The following CTNNA3 variants were observed in gnomAD, a reference collection of about 807,000 sequenced individuals.
CTNNA3 encodes the protein catenin alpha-3.
In CTNNA3, 76 loss-of-function variants were observed where a neutral mutation model predicts 95.7. The observed-to-expected ratio is 0.79, with a 90% CI of 0.66 to 0.96. CTNNA3 has a LOEUF of 0.96. Among genes scored for constraint, CTNNA3 ranks in the 40% least tolerant of loss-of-function variants. The pLI, the probability that CTNNA3 is intolerant of heterozygous loss-of-function variation, is 0.00. For synonymous variants in CTNNA3, 431 were observed against 374.4 expected (o/e 1.15, Z -1.74); for missense variants, 1,191 against 1,089.8 (o/e 1.09, Z -1.31).
intron 17 of CTNNA3, among the ~76,000 whole-genome samples, chr10:65,926,240 C>T (rs1004373700): frequency 6.6e-6 from 1 of 151,374 alleles, no homozygotes; most frequent in Non-Finnish European, 1.5e-5. Context: ...TATTAATAGG[C>T]TTTTAGGTAG....
intron 7 of CTNNA3, among the ~76,000 whole-genome samples, chr10:67,081,353 A>G (rs1320908094): frequency 6.6e-6 from 1 of 152,238 alleles, no homozygotes; most frequent in Non-Finnish European, 1.5e-5. Context: ...ATCAATCAGT[A>G]GTAATACAAT....
intron 12 of CTNNA3, among the ~76,000 whole-genome samples, chr10:66,306,509 T>G (rs1054052786): frequency 3.9e-5 from 6 of 152,180 alleles, no homozygotes; most frequent in Admixed American, 3.3e-4. Flanking sequence ...AAATTAGAAT[T>G]TATGGCTGTG....
intron 5 of CTNNA3, among the ~76,000 whole-genome samples, chr10:67,311,009 A>T (rs1157716759): frequency 6.6e-6 from 1 of 152,232 alleles, no homozygotes; most frequent in Non-Finnish European, 1.5e-5. Flanking sequence ...CCCCAGTTTC[A>T]TACACAATAT....
intron 15 of CTNNA3, among the ~76,000 whole-genome samples, chr10:66,028,273 T>C (rs2133448317): frequency 6.6e-6 from 1 of 152,346 alleles, no homozygotes; most frequent in Non-Finnish European, 1.5e-5. Flanking sequence ...TTATAAATCA[T>C]GCTGCTATAA....
At chr10:66,879,258 A>T (rs149550398) in intron 7 of CTNNA3, among the ~76,000 whole-genome samples, 2 of 152,234 alleles carry the variant, frequency 1.3e-5, no homozygotes, top group Non-Finnish European at 2.9e-5. Context: ...TGAACCATGA[A>T]CTTGCCTGGG....
intron 13 of CTNNA3, among the ~76,000 whole-genome samples, chr10:66,234,195 T>C (rs1398690053): frequency 6.6e-6 from 1 of 152,148 alleles, no homozygotes; most frequent in Non-Finnish European, 1.5e-5. Flanking sequence ...TTATATAAAG[T>C]CATTTATATT....
At chr10:67,351,708 C>A (rs928445999) in intron 5 of CTNNA3, among the ~76,000 whole-genome samples, 2 of 151,780 alleles carry the variant, frequency 1.3e-5, no homozygotes, top group South Asian at 2.1e-4. Context: ...TCCTTTCTGG[C>A]CAAAAGGGAA....
chr10:66,289,248 A>G (rs897267946), intron 12 of CTNNA3, among the ~76,000 whole-genome samples: 2 of 151,414 alleles, frequency 1.3e-5, no homozygotes, highest in African/African-American at 4.9e-5. Context: ...TGTATTTCCC[A>G]TGGAAGCATA....
At chr10:66,904,164 C>G (rs143801966) in intron 7 of CTNNA3, among the ~76,000 whole-genome samples, 2 of 152,026 alleles carry the variant, frequency 1.3e-5, no homozygotes, top group Non-Finnish European at 2.9e-5. Context: ...GTACTGGTAC[C>G]AAAACAGATA....
At chr10:66,399,033 A>G (rs912980682) in intron 11 of CTNNA3, among the ~76,000 whole-genome samples, 2 of 152,038 alleles carry the variant, frequency 1.3e-5, no homozygotes, top group Admixed American at 1.3e-4. Context: ...AACTGAAAAT[A>G]GTAATTTCAC....
chr10:67,359,125 C>T (rs1842914646), intron 5 of CTNNA3, among the ~76,000 whole-genome samples: 1 of 151,668 alleles, frequency 6.6e-6, no homozygotes, highest in African/African-American at 2.4e-5. Flanking sequence ...GGAACCCATA[C>T]AGAGCCTTGG....
At chr10:67,688,379 G>T (rs1303004215) in intron 1 of CTNNA3, among the ~76,000 whole-genome samples, 1 of 152,148 alleles carries the variant, frequency 6.6e-6, no homozygotes, top group African/African-American at 2.4e-5. Flanking sequence ...CTATAGGGAG[G>T]CTAGGATATG....
intron 13 of CTNNA3, among the ~76,000 whole-genome samples, chr10:66,136,267 C>T (rs911360791): frequency 8.5e-5 from 13 of 152,164 alleles, no homozygotes; most frequent in Non-Finnish European, 1.8e-4. Flanking sequence ...TAAATCAATT[C>T]TCAAAGAATA....
intron 5 of CTNNA3, among the ~76,000 whole-genome samples, chr10:67,511,486 A>G (rs1839627143): frequency 6.6e-6 from 1 of 152,032 alleles, no homozygotes; most frequent in Non-Finnish European, 1.5e-5. Context: ...TGTTTATGTG[A>G]TGGATTATGT....
chr10:66,806,261 T>TTGTGTGTGTGTGTG lies in CTNNA3; in HGVS notation c.1048-30751_1048-30738dup, dbSNP rs59596203. Among the ~76,000 whole-genome samples, 218 of 144,058 alleles carry TTGTGTGTGTGTGTG rather than the reference T, an allele frequency of 1.5e-3. 2 individuals carry two copies. The highest frequency in any genetic ancestry group is 5.4e-3 in the African/African-American group (209 of 38,990). The allele number at this position is 144,058 out of a possible 152,430, so 94.5% of individuals were successfully genotyped here. On this transcript the variant is annotated intron_variant, in intron 7 of 17. Transcript: ENST00000433211. ...TTTACTGTGTGCCAGATATTGGTGT[T>TTGTGTGTGTGTGTG]TGTGTGTGTGTGTGTGTGTGTGTGT...
intron 13 of CTNNA3, among the ~76,000 whole-genome samples, chr10:66,242,755 T>C (rs1195528020): frequency 6.6e-6 from 1 of 152,168 alleles, no homozygotes; most frequent in African/African-American, 2.4e-5. Flanking sequence ...ACCCTGGCAA[T>C]TCATTACTAA....
chr10:66,314,912 CA>C (rs971646003), intron 12 of CTNNA3, among the ~76,000 whole-genome samples: 1 of 151,898 alleles, frequency 6.6e-6, no homozygotes, highest in Non-Finnish European at 1.5e-5. Context: ...TCTGTCAGTG[CA>C]AAAATAAGTC....
At chr10:67,381,334 T>C (rs989035831) in intron 5 of CTNNA3, among the ~76,000 whole-genome samples, 6 of 152,186 alleles carry the variant, frequency 3.9e-5, no homozygotes, top group Non-Finnish European at 8.8e-5. Flanking sequence ...TCTCTATAAA[T>C]TCAATCTTCT....
chr10:66,585,141 C>T (rs1428876874), intron 10 of CTNNA3, among the ~76,000 whole-genome samples: 2 of 151,958 alleles, frequency 1.3e-5, no homozygotes, highest in East Asian at 3.9e-4. Context: ...CTTTAGATAG[C>T]CTGATGAGTA....
Sources: allele counts gnomAD v4.1 joint callset (sites outside exome capture counted in the v4.1 genomes callset), GRCh38; gene constraint gnomAD v4.1.1; transcripts MANE v1.5; gene names NCBI Gene and HGNC (gene_info 2026-07-23, HGNC 2026-07-21).